The following ALK variants were observed in gnomAD, a reference collection of about 807,000 sequenced individuals.
ALK encodes the protein ALK receptor tyrosine kinase.
Under a neutral mutation model 163.1 loss-of-function variants are expected in ALK, and 74 were observed. The ratio of observed to expected loss-of-function variants is 0.45; its 90% CI spans 0.38 to 0.55. The LOEUF (loss-of-function observed/expected upper bound fraction) is 0.55, where lower values mean the gene tolerates loss of function less well. Among genes scored for constraint, ALK ranks in the 20% least tolerant of loss-of-function variants. The probability of loss-of-function intolerance (pLI) is 0.00; values close to 1 mark genes in which losing one functional copy is unlikely to be tolerated. For synonymous variants in ALK, 960 were observed against 843.2 expected (o/e 1.14, Z -2.40); for missense variants, 2,063 against 2,105.3 (o/e 0.98, Z 0.39).
At chr2:29,337,823 C>A (rs10205970) in intron 5 of ALK, among the ~76,000 whole-genome samples, 14,257 of 152,168 alleles carry the variant, frequency 0.094, 732 homozygotes, top group African/African-American at 0.13. Flanking sequence ...CTTGCAGGCC[C>A]AAGGACCCAC....
At chr2:29,462,598 T>C (rs1671112081) in intron 4 of ALK, among the ~76,000 whole-genome samples, 2 of 152,200 alleles carry the variant, frequency 1.3e-5, no homozygotes, top group African/African-American at 2.4e-5. Flanking sequence ...TTAGACATAA[T>C]GCTATTGCAC....
chr2:29,243,348 G>A (rs540239323), intron 12 of ALK, among the ~76,000 whole-genome samples: 1 of 152,168 alleles, frequency 6.6e-6, no homozygotes. Context: ...ATTTACCCCC[G>A]CTCTGAGCCC....
intron 3 of ALK, among the ~76,000 whole-genome samples, chr2:29,691,007 A>G (rs1189340046): frequency 3.3e-5 from 5 of 152,194 alleles, no homozygotes; most frequent in African/African-American, 1.2e-4. Flanking sequence ...GGAATATAGG[A>G]CACTGCTTGG....
chr2:29,590,244 TTTA>T (rs1403576442), intron 3 of ALK, among the ~76,000 whole-genome samples: 6 of 152,196 alleles, frequency 3.9e-5, no homozygotes, highest in Non-Finnish European at 8.8e-5. Context: ...TATTGGTAGC[TTTA>T]TTATATTTTA....
chr2:29,528,643 G>A (rs1673026095), intron 4 of ALK, among the ~76,000 whole-genome samples: 1 of 152,128 alleles, frequency 6.6e-6, no homozygotes, highest in Non-Finnish European at 1.5e-5. Context: ...AATCCATGAT[G>A]GTGAGATGAA....
intron 4 of ALK, among the ~76,000 whole-genome samples, chr2:29,500,258 G>C (rs1182140767): frequency 6.6e-6 from 1 of 152,142 alleles, no homozygotes; most frequent in Non-Finnish European, 1.5e-5. Flanking sequence ...CCATCCCCTC[G>C]GTACTGTTCT....
intron 3 of ALK, among the ~76,000 whole-genome samples, chr2:29,605,926 G>C (rs1438118430): frequency 6.6e-6 from 1 of 151,842 alleles, no homozygotes; most frequent in African/African-American, 2.4e-5. Flanking sequence ...TTTGCTCCCT[G>C]TAAGTTCAAC....
chr2:29,282,885 G>A (rs1012583143), intron 9 of ALK, among the ~76,000 whole-genome samples: 1 of 152,210 alleles, frequency 6.6e-6, no homozygotes, highest in African/African-American at 2.4e-5. Flanking sequence ...GCTCTGGTGT[G>A]TCACCAACTG....
chr2:29,225,305 G>A (rs554433070), intron 19 of ALK, among the ~76,000 whole-genome samples, 156 bp downstream of exon 19: 11 of 152,152 alleles, frequency 7.2e-5, no homozygotes, highest in South Asian at 2.1e-4. Flanking sequence ...GGGAGCTTCC[G>A]TTTTGGCTTG....
At chr2:29,756,529 ATT>A (rs35599126) in intron 1 of ALK, among the ~76,000 whole-genome samples, 1,532 of 138,732 alleles carry the variant, frequency 0.011, 12 homozygotes, top group South Asian at 0.05. Context: ...TTACTCATTG[ATT>A]TTTTTTTTTT....
chr2:29,489,055 G>A (rs1220221312), intron 4 of ALK, among the ~76,000 whole-genome samples: 1 of 152,160 alleles, frequency 6.6e-6, no homozygotes, highest in African/African-American at 2.4e-5. Flanking sequence ...AATTAGTGAT[G>A]AACGACTAAC....
chr2:29,787,558 C>T (rs116329207), intron 1 of ALK, among the ~76,000 whole-genome samples: 335 of 152,254 alleles, frequency 2.2e-3, no homozygotes, highest in African/African-American at 7.6e-3. Context: ...GGGACGTATG[C>T]ATAGGGAAAG....
chr2:29,658,074 G>A (rs1297735523), intron 3 of ALK, among the ~76,000 whole-genome samples: 1 of 152,084 alleles, frequency 6.6e-6, no homozygotes, highest in South Asian at 2.1e-4. Flanking sequence ...CTGAAAAAAC[G>A]TGAGCTTCCA....
intron 1 of ALK, among the ~76,000 whole-genome samples, chr2:29,726,715 G>A (rs142184561): frequency 1.0e-3 from 157 of 152,320 alleles, no homozygotes; most frequent in Non-Finnish European, 2.0e-3. Flanking sequence ...GCTCCAGCGT[G>A]GAAGAGTGGA....
At chr2:29,420,827 G>A (rs1443103973) in intron 4 of ALK, among the ~76,000 whole-genome samples, 2 of 151,530 alleles carry the variant, frequency 1.3e-5, no homozygotes, top group African/African-American at 4.9e-5. Flanking sequence ...CCACACGGAG[G>A]AGAAATGCTA....
intron 4 of ALK, among the ~76,000 whole-genome samples, chr2:29,435,529 A>G (rs1670375725): frequency 1.3e-5 from 2 of 152,114 alleles, no homozygotes; most frequent in African/African-American, 4.8e-5. Context: ...TGGCAGCAAC[A>G]CAGTCAAATA....
intron 5 of ALK, among the ~76,000 whole-genome samples, chr2:29,353,636 A>G (rs1251455314): frequency 1.3e-5 from 2 of 152,058 alleles, no homozygotes; most frequent in East Asian, 3.9e-4. Context: ...TTCATTACAC[A>G]CTTGTGTTGA....
intron 4 of ALK, among the ~76,000 whole-genome samples, chr2:29,521,367 G>C (rs920080365): frequency 7.9e-5 from 12 of 152,240 alleles, no homozygotes; most frequent in African/African-American, 2.6e-4. Context: ...ACTGGCAGGG[G>C]GAACACAATC....
intron 5 of ALK, among the ~76,000 whole-genome samples, chr2:29,333,818 C>T (rs1372765451): frequency 6.6e-6 from 1 of 152,124 alleles, no homozygotes; most frequent in Non-Finnish European, 1.5e-5. Flanking sequence ...CACCATGTTG[C>T]TCAGGCTGGT....
Sources: allele counts gnomAD v4.1 joint callset (sites outside exome capture counted in the v4.1 genomes callset), GRCh38; gene constraint gnomAD v4.1.1; transcripts MANE v1.5; gene names NCBI Gene and HGNC (gene_info 2026-07-23, HGNC 2026-07-21).